COL25A1: variants seen among roughly 807,000 people sequenced by gnomAD.
COL25A1 encodes the protein collagen alpha-1(XXV) chain.
In COL25A1, 103 loss-of-function variants were observed where a neutral mutation model predicts 128.4. The observed-to-expected ratio is 0.80, with a 90% CI of 0.68 to 0.94. The LOEUF (loss-of-function observed/expected upper bound fraction) is 0.94. COL25A1 is among the 40% of genes least tolerant of loss of function. The probability of loss-of-function intolerance (pLI) is 0.00; values close to 1 mark genes in which losing one functional copy is unlikely to be tolerated. For synonymous variants in COL25A1, 279 were observed against 277.2 expected (o/e 1.01, Z -0.06); for missense variants, 745 against 840.0 (o/e 0.89, Z 1.40).
At chr4:108,848,858 C>T (rs1735422855) in intron 26 of COL25A1, 55 bp from the exon 27 acceptor site, 2 of 1,367,292 alleles carry the variant, frequency 1.5e-6, no homozygotes, top group Admixed American at 3.8e-5. Flanking sequence ...ACATACTGCA[C>T]TACATAAAAA....
chr4:109,016,578 G>A (rs1757235615), intron 5 of COL25A1, among the ~76,000 whole-genome samples: 1 of 152,224 alleles, frequency 6.6e-6, no homozygotes, highest in African/African-American at 2.4e-5. Flanking sequence ...TCTTCCTTCT[G>A]AAGCCCATAA....
chr4:108,941,970 C>T (rs1748160694), intron 8 of COL25A1, among the ~76,000 whole-genome samples: 1 of 152,178 alleles, frequency 6.6e-6, no homozygotes, highest in African/African-American at 2.4e-5. Context: ...TTCTAGATTG[C>T]TATGCCCACC....
chr4:108,905,122 C>A (rs530878451), intron 13 of COL25A1, among the ~76,000 whole-genome samples: 1 of 152,074 alleles, frequency 6.6e-6, no homozygotes, highest in Non-Finnish European at 1.5e-5. Flanking sequence ...GATAGTCTTC[C>A]TTTCTGGAAA....
chr4:108,921,743 A>G (rs1745517196), intron 11 of COL25A1, among the ~76,000 whole-genome samples: 1 of 152,204 alleles, frequency 6.6e-6, no homozygotes, highest in Non-Finnish European at 1.5e-5. Context: ...GTTTCCTCAT[A>G]TAATCAGCTT....
intron 3 of COL25A1, among the ~76,000 whole-genome samples, chr4:109,149,976 G>GTGTA (rs1283455768): frequency 2.0e-5 from 3 of 149,968 alleles, no homozygotes; most frequent in African/African-American, 7.3e-5. Flanking sequence ...GTGTATGTAT[G>GTGTA]TGTATGTATG....
At chr4:109,265,255 C>T (rs575867809) in intron 3 of COL25A1, among the ~76,000 whole-genome samples, 16 of 152,094 alleles carry the variant, frequency 1.1e-4, no homozygotes. Context: ...TGTTAACATT[C>T]GGGAGCTGAA....
intron 3 of COL25A1, among the ~76,000 whole-genome samples, chr4:109,052,918 T>C (rs748123035): frequency 6.6e-6 from 1 of 152,182 alleles, no homozygotes; most frequent in Non-Finnish European, 1.5e-5. Context: ...ATGAGCTGTA[T>C]GAACACATAC....
intron 6 of COL25A1, among the ~76,000 whole-genome samples, chr4:109,007,530 C>T (rs1756141450): frequency 6.8e-6 from 1 of 147,870 alleles, no homozygotes; most frequent in South Asian, 2.1e-4. Context: ...CTTGGCTTCA[C>T]GTTTTCCCTA....
rs1455581350 is a variant in COL25A1, at chr4:108,813,106, T to A, written c.*821A>T. ...GAGGCAGTGCTGGAGGCTGAATCGG[T>A]CCTCTTCCCATGTCTTCACTGCCAA... On this transcript the variant is annotated 3_prime_UTR_variant, in exon 38 of 38. Coordinates refer to ENST00000399132, the MANE Select transcript of COL25A1 (RefSeq NM_198721.4). The A allele has an allele frequency of 6.6e-6, 1 of 152,246 alleles. No homozygotes were observed. The highest frequency in any genetic ancestry group is 2.4e-5 in the African/African-American group (1 of 41,462). 9.4% of individuals were successfully genotyped at this position (152,246 alleles called of 1,614,324 possible).
chr4:108,868,586 A>G (rs1738243625), intron 20 of COL25A1, among the ~76,000 whole-genome samples: 1 of 147,106 alleles, frequency 6.8e-6, no homozygotes, highest in Non-Finnish European at 1.5e-5. Context: ...AGAAAGAAGG[A>G]AGGAAGGAAG....
intron 3 of COL25A1, among the ~76,000 whole-genome samples, chr4:109,064,973 A>G (rs1348756726): frequency 6.6e-6 from 1 of 152,188 alleles, no homozygotes; most frequent in Non-Finnish European, 1.5e-5. Flanking sequence ...AACATGGTGT[A>G]TCCAATGCAC....
At chr4:109,035,985 T>C (rs891470566) in intron 5 of COL25A1, among the ~76,000 whole-genome samples, 3 of 152,112 alleles carry the variant, frequency 2.0e-5, no homozygotes, top group Non-Finnish European at 2.9e-5. Context: ...TGGAGTGCAG[T>C]GGCGTGATCT....
chr4:109,184,799 A>G (rs1774985558), intron 3 of COL25A1, among the ~76,000 whole-genome samples: 1 of 152,098 alleles, frequency 6.6e-6, no homozygotes, highest in Non-Finnish European at 1.5e-5. Flanking sequence ...TGCTACCACA[A>G]TATTCCTGCC....
rs1047929767 is a variant in COL25A1 at position 108,837,962 on chromosome 4, G to A, written c.1656+3733C>T. The A allele has an allele frequency of 1.1e-4, 80 of 695,792 alleles. No homozygotes were observed. In the Admixed American group the frequency reaches 1.7e-3, roughly 15 times the overall value. 43.1% of individuals were successfully genotyped at this position (695,792 alleles called of 1,614,324 possible). ...ATCAGAGAAAACAAAACTGGGCTGA[G>A]CTCTGCTCTAATATAATATGTTTTC... is the stretch of plus-strand genomic sequence containing the variant. On this transcript the variant is annotated intron_variant, in intron 31 of 37. Coordinates refer to ENST00000399132, the MANE Select transcript of COL25A1 (RefSeq NM_198721.4).
chr4:108,875,721 C>A (rs1455250839), intron 19 of COL25A1, among the ~76,000 whole-genome samples: 2 of 152,054 alleles, frequency 1.3e-5, no homozygotes, highest in Non-Finnish European at 2.9e-5. Context: ...GGTATATACC[C>A]AAAAGATTAT....
intron 8 of COL25A1, among the ~76,000 whole-genome samples, chr4:108,948,295 A>G (rs1009626148): frequency 2.6e-5 from 4 of 152,214 alleles, no homozygotes; most frequent in Non-Finnish European, 5.9e-5. Flanking sequence ...ATATAAAGCT[A>G]AACAGCTAAA....
At chr4:108,956,404 T>C (rs1403658522) in intron 8 of COL25A1, among the ~76,000 whole-genome samples, 1 of 152,166 alleles carries the variant, frequency 6.6e-6, no homozygotes, top group Non-Finnish European at 1.5e-5. Flanking sequence ...ATACATGTTA[T>C]TTTTGTTTGT....
chr4:109,108,912 A>G (rs1766719224), intron 3 of COL25A1, among the ~76,000 whole-genome samples: 1 of 152,124 alleles, frequency 6.6e-6, no homozygotes, highest in African/African-American at 2.4e-5. Context: ...CTTTATTGTG[A>G]TATCTGCTTT....
At chr4:108,844,488 C>A (rs1734843814) in intron 30 of COL25A1, 31 bp downstream of exon 30, 2 of 1,613,872 alleles carry the variant, frequency 1.2e-6, no homozygotes, top group Non-Finnish European at 1.7e-6. Context: ...CATAAATAAG[C>A]AATTACATTT....
Sources: allele counts gnomAD v4.1 joint callset (sites outside exome capture counted in the v4.1 genomes callset), GRCh38; gene constraint gnomAD v4.1.1; transcripts MANE v1.5; gene names NCBI Gene and HGNC (gene_info 2026-07-23, HGNC 2026-07-21).